TMCC1: variants seen among roughly 807,000 people sequenced by gnomAD.
TMCC1 encodes transmembrane and coiled-coil domain family 1.
TMCC1 carries 15 observed loss-of-function variants against 52.4 expected under a neutral mutation model. The observed-to-expected ratio is 0.29, with a 90% CI of 0.19 to 0.44. The LOEUF is 0.44. Ranked by LOEUF, TMCC1 falls within the 20% of genes least tolerant of loss-of-function variation. The probability of loss-of-function intolerance (pLI) is 1.00; values close to 1 mark genes in which losing one functional copy is unlikely to be tolerated. For missense variants in TMCC1, 503 were observed against 806.0 expected (o/e 0.62, Z 4.55); for synonymous variants, 279 against 301.9 (o/e 0.92, Z 0.79).
At chr3:129,852,615 T>C (rs1403053519) in intron 2 of TMCC1, among the ~76,000 whole-genome samples, 1 of 152,158 alleles carries the variant, frequency 6.6e-6, no homozygotes, top group African/African-American at 2.4e-5. Flanking sequence ...TAGAGATGGC[T>C]GGTCCTGATG....
intron 4 of TMCC1, among the ~76,000 whole-genome samples, chr3:129,813,461 C>A (rs1395072933): frequency 6.6e-6 from 1 of 152,112 alleles, no homozygotes; most frequent in Non-Finnish European, 1.5e-5. Context: ...ATGTACACCA[C>A]AGAATACTAC....
At chr3:129,705,244 G>A (rs940509826) in intron 4 of TMCC1, among the ~76,000 whole-genome samples, 11 of 152,196 alleles carry the variant, frequency 7.2e-5, no homozygotes, top group Non-Finnish European at 1.6e-4. Flanking sequence ...GAGAGAGGTG[G>A]AATATGCCTG....
At chr3:129,774,287 A>C (rs922053172) in intron 4 of TMCC1, among the ~76,000 whole-genome samples, 1 of 152,228 alleles carries the variant, frequency 6.6e-6, no homozygotes, top group Non-Finnish European at 1.5e-5. Flanking sequence ...TATAGTACAG[A>C]GGTATCAGTT....
At chr3:129,755,749 T>G (rs903260151) in intron 4 of TMCC1, among the ~76,000 whole-genome samples, 1 of 152,184 alleles carries the variant, frequency 6.6e-6, no homozygotes, top group African/African-American at 2.4e-5. Flanking sequence ...ATCCTGGTAA[T>G]GTGGAACAAG....
chr3:129,649,887 C>T lies in TMCC1; in HGVS notation c.*1594G>A, dbSNP rs2625945. The T allele has an allele frequency of 0.98, 150,227 of 152,638 alleles. 73,974 individuals carry two copies. Among genetic ancestry groups the T allele is most frequent in the East Asian group, 1 (5,180 of 5,180 alleles). The allele number at this position is 152,638 out of a possible 1,614,324, so 9.5% of individuals were successfully genotyped here. A position where few individuals can be genotyped will look rare whatever the true frequency, so the allele number is the denominator to read the frequency against. Reference sequence around the variant, plus strand: ...CAGGATGATGGAACTGGTTATGCGACGGGGGAAGGCAGCTCAGTTCATTTT... The same window carrying T: ...CAGGATGATGGAACTGGTTATGCGATGGGGGAAGGCAGCTCAGTTCATTTT... On this transcript the variant is annotated 3_prime_UTR_variant, in exon 7 of 7. Coordinates refer to ENST00000393238, the MANE Select transcript of TMCC1 (RefSeq NM_001017395.5).
chr3:129,716,459 C>T (rs561837941), intron 4 of TMCC1, among the ~76,000 whole-genome samples: 32 of 150,838 alleles, frequency 2.1e-4, no homozygotes, highest in East Asian at 1.6e-3. Context: ...CTCAGCCTCC[C>T]GAGTAGCTGG....
intron 5 of TMCC1, among the ~76,000 whole-genome samples, chr3:129,662,356 A>G (rs1351857526): frequency 6.6e-6 from 1 of 152,220 alleles, no homozygotes; most frequent in East Asian, 1.9e-4. Context: ...GCTGTATGGT[A>G]CAGTCAATTG....
intron 2 of TMCC1, among the ~76,000 whole-genome samples, chr3:129,849,429 T>A (rs544667851): frequency 6.7e-6 from 1 of 149,198 alleles, no homozygotes; most frequent in South Asian, 2.1e-4. Context: ...GCCACTGCAC[T>A]CCAACCTGGG....
chr3:129,844,103 A>C (rs181035184), intron 2 of TMCC1, among the ~76,000 whole-genome samples: 152 of 152,336 alleles, frequency 1.0e-3, no homozygotes, highest in African/African-American at 3.4e-3. Context: ...CACCATACTA[A>C]GAAACTAAAT....
intron 4 of TMCC1, among the ~76,000 whole-genome samples, chr3:129,799,382 T>A (rs1198157806): frequency 6.6e-6 from 1 of 152,210 alleles, no homozygotes; most frequent in African/African-American, 2.4e-5. Context: ...CAGTTCCTTG[T>A]ATCCAACTAA....
chr3:129,687,597 T>G (rs942835502), intron 4 of TMCC1, among the ~76,000 whole-genome samples: 1 of 152,218 alleles, frequency 6.6e-6, no homozygotes, highest in Non-Finnish European at 1.5e-5. Flanking sequence ...GAATTGAGTC[T>G]GGCAAAGAAA....
chr3:129,823,150 A>AC (rs2058498301), intron 4 of TMCC1, among the ~76,000 whole-genome samples: 1 of 151,968 alleles, frequency 6.6e-6, no homozygotes, highest in African/African-American at 2.4e-5. Flanking sequence ...ACATGGTGAA[A>AC]CCCCATCTCT....
At chr3:129,749,288 A>G (rs755007399) in intron 4 of TMCC1, among the ~76,000 whole-genome samples, 83 of 152,298 alleles carry the variant, frequency 5.4e-4, no homozygotes, top group Non-Finnish European at 1.1e-3. Context: ...TTAAACTCTG[A>G]TATCATATAA....
chr3:129,736,591 G>A (rs990118109), intron 4 of TMCC1, among the ~76,000 whole-genome samples: 12 of 148,338 alleles, frequency 8.1e-5, no homozygotes, highest in African/African-American at 2.3e-4. Flanking sequence ...GCACAATCTC[G>A]GCTCACTGCC....
intron 4 of TMCC1, among the ~76,000 whole-genome samples, chr3:129,698,102 T>C (rs1424665785): frequency 1.3e-5 from 2 of 152,166 alleles, no homozygotes; most frequent in Non-Finnish European, 2.9e-5. Context: ...CTGGTACCAA[T>C]TTACTATATT....
chr3:129,827,695 C>T, intron 4 of TMCC1, 108 bp downstream of exon 4: 2 of 1,360,824 alleles, frequency 1.5e-6, no homozygotes, highest in Admixed American at 2.3e-5. Context: ...TTTACCACAA[C>T]TTTAAGGTAT....
At chr3:129,780,118 C>T (rs956218593) in intron 4 of TMCC1, among the ~76,000 whole-genome samples, 3 of 152,108 alleles carry the variant, frequency 2.0e-5, no homozygotes, top group African/African-American at 7.2e-5. Context: ...TGTCATCTAA[C>T]GTCCATCCTA....
rs976030744 is a variant in TMCC1 at position 129,881,751 on chromosome 3, T to G, written c.-434-1192A>C. Among the ~76,000 whole-genome samples, 4 of 152,108 alleles carry G rather than the reference T, an allele frequency of 2.6e-5. No individual in the cohort carries two copies. In the South Asian group the frequency reaches 6.2e-4, roughly 24 times the overall value. ...ATACATTGGATGGAACTAGCAGCAGTCAAGACACAGCAGAAGGAAAGACGA... is the reference window on the plus strand; with the variant it reads ...ATACATTGGATGGAACTAGCAGCAGGCAAGACACAGCAGAAGGAAAGACGA... On this transcript the variant is annotated intron_variant, in intron 1 of 6. Coordinates refer to ENST00000393238, the MANE Select transcript of TMCC1 (RefSeq NM_001017395.5).
intron 4 of TMCC1, among the ~76,000 whole-genome samples, chr3:129,782,134 G>C (rs1372020834): frequency 1.3e-5 from 2 of 152,140 alleles, no homozygotes; most frequent in Non-Finnish European, 2.9e-5. Flanking sequence ...CAAACAGGCA[G>C]CTGAGTTCTG....
Sources: allele counts gnomAD v4.1 joint callset (sites outside exome capture counted in the v4.1 genomes callset), GRCh38; gene constraint gnomAD v4.1.1; transcripts MANE v1.5; gene names NCBI Gene and HGNC (gene_info 2026-07-23, HGNC 2026-07-21).